TTN: variants seen among roughly 807,000 people sequenced by gnomAD.
TTN encodes titin.
In TTN, 1,525 loss-of-function variants were observed where a neutral mutation model predicts 3,223.0. The ratio of observed to expected loss-of-function variants is 0.47; its 90% CI spans 0.45 to 0.49. TTN has a LOEUF of 0.49. Among genes scored for constraint, TTN ranks in the 20% least tolerant of loss-of-function variants. The pLI is 0.00. For missense variants in TTN, 40,786 were observed against 43,424.0 expected, an observed-to-expected ratio of 0.94 and a Z score of 5.40; for synonymous variants, 14,094 against 15,161.0, an observed-to-expected ratio of 0.93 and a Z score of 5.17.
intron 47 of TTN, chr2:178,745,162 A>G (rs2083245247): frequency 1.0e-6 from 1 of 994,824 alleles, no homozygotes; most frequent in Non-Finnish European, 1.2e-6. Context: ...ATGGGAGCAG[A>G]GAGATTTGCC....
chr2:178,595,644 G>C lies in TTN; in HGVS notation c.57710C>G (p.Thr19237Arg). ...DRRAWTPVTY[T>R]VTRQNATVQG... ...GACAGTAGCATTTTGTCGGGTAACT[G>C]TATATGTCACTGGGGTCCATGCTCT... The change falls in exon 295 of 363, where the codon ACA becomes AGA. Residue 19237 changes from threonine (T) to arginine (R), a missense_variant. Physicochemically the swap from Thr to Arg is moderately conservative, Grantham distance 71. Coordinates refer to ENST00000589042, the MANE Select transcript of TTN (RefSeq NM_001267550.2). 1 of 1,606,934 alleles carries C rather than the reference G, an allele frequency of 6.2e-7. No homozygotes were observed. The highest frequency in any genetic ancestry group is 8.5e-7 in the Non-Finnish European group (1 of 1,176,568).
In TTN at chr2:178,717,164, C is replaced by T. The variant is rs371512914; in HGVS notation, c.25570G>A (p.Gly8524Arg). 107 of 1,613,428 alleles carry T rather than the reference C, an allele frequency of 6.6e-5. No homozygotes were observed. The highest frequency in any genetic ancestry group is 8.0e-5 in the African/African-American group (6 of 74,878). Reference protein sequence around the residue: ...TVLKVGKGDAGQYTCYASNIA... With the variant: ...TVLKVGKGDARQYTCYASNIA... The stretch of plus-strand genomic sequence containing the variant: ...TTGCTTGCATAGCAGGTGTACTGCC[C>T]GGCATCGCCTTTGCCTACTTTGAGA... The change falls in exon 88 of 363, where the codon GGG (glycine) becomes AGG (arginine). Residue 8524 changes from glycine to arginine, a missense_variant. Gly to Arg is a moderately radical substitution (Grantham distance 125). Transcript: ENST00000589042.
At chr2:178,768,364 T>C (rs1290202497) in intron 38 of TTN, among the ~76,000 whole-genome samples, 2 of 152,206 alleles carry the variant, frequency 1.3e-5, no homozygotes, top group Non-Finnish European at 2.9e-5. Flanking sequence ...GACTTTTCTA[T>C]TGTCTCCCCT....
Position 178,722,870 on chromosome 2 carries a change from T to C in TTN, c.22029A>G (p.Gln7343=), listed in dbSNP as rs1450790984. 6.2e-7 allele frequency: 1 copy of C among 1,613,092 alleles called. No homozygotes were observed. The highest frequency in any genetic ancestry group is 1.7e-5 in the Admixed American group (1 of 59,938). The change falls in exon 76 of 363, where the codon CAA becomes CAG. Residue 7343 remains glutamine, a synonymous_variant. Coordinates refer to ENST00000589042, the MANE Select transcript of TTN (RefSeq NM_001267550.2). ...TTTCTGGTGTCCCAGCAACTTGGCA[T>C]TGTAAAGAAACCGAATCTCCAACTG... is the stretch of plus-strand genomic sequence containing the variant. ...EAAVGDSVSL[Q]CQVAGTPEIT...
In TTN at chr2:178,650,839, A is replaced by C. The variant is rs1192771890; in HGVS notation, c.39626-5T>G. ...GTTTCTTTGGCACTTCTGGCACTTT[A>C]AAGATATTAATTCATTTTTCTTATG... On this transcript the variant is annotated splice_region_variant and splice_polypyrimidine_tract_variant and intron_variant, in intron 208 of 362. Transcript: ENST00000589042. The C allele has an allele frequency of 6.3e-7, 1 of 1,596,446 alleles. No individual in the cohort carries two copies. The highest frequency in any genetic ancestry group is 2.3e-5 in the East Asian group (1 of 44,142).
At chr2:178,657,416 A>AT in intron 189 of TTN, 82 bp downstream of exon 189, 1 of 548,266 alleles carries the variant, frequency 1.8e-6, no homozygotes, top group Non-Finnish European at 2.3e-6. Flanking sequence ...GTATAATAAA[A>AT]ATATATATAT....
rs1692192706 is a variant in TTN at position 178,537,573 on chromosome 2, A to G, written c.99634T>C (p.Ser33212Pro). Residue 33212 changes from serine to proline, a missense_variant, in exon 355 of 363, where the codon TCC becomes CCC. Transcript: ENST00000589042. ...LKEKYYGAVG[S>P]TLRLHVMYIG... ...TACATAACATGAAGCCGAAGTGTGG[A>G]ACCCACAGCTCCATAATATTTCTCT... 6.2e-7 allele frequency: 1 copy of G among 1,613,694 alleles called. No homozygotes were observed. Among genetic ancestry groups the G allele is most frequent in the Non-Finnish European group, 8.5e-7 (1 of 1,179,786 alleles).
At position 178,777,526 on chromosome 2, in the gene TTN, T is replaced by G; in HGVS notation, c.4539A>C (p.Gln1513His). ...HKVVIKEDGTQSLIIVPATPS... is the reference protein window; with the variant it reads ...HKVVIKEDGTHSLIIVPATPS... The stretch of plus-strand genomic sequence containing the variant: ...GTGTGGCAGGGACAATAATTAGTGA[T>G]TGAGTACCATCTTCTTTAATGACTA... The change falls in exon 26 of 363, where the codon CAA becomes CAC. Residue 1513 changes from glutamine to histidine, a missense_variant. By Grantham distance (24) the Gln-to-His change is conservative. Transcript: ENST00000589042. 6.2e-7 allele frequency: 1 copy of G among 1,613,966 alleles called. No homozygotes were observed. Among genetic ancestry groups the G allele is most frequent in the Non-Finnish European group, 8.5e-7 (1 of 1,179,940 alleles).
rs780416696 is a variant in TTN at position 178,681,332 on chromosome 2, T to C, written c.33247+44A>G. 2.2e-5 allele frequency: 34 copies of C among 1,556,004 alleles called. No individual in the cohort carries two copies. In the African/African-American group the frequency reaches 4.1e-4, roughly 19 times the overall value. On this transcript the variant is annotated intron_variant, in intron 137 of 362. Transcript: ENST00000589042. ...GCTAGGAAGACATGATTTTAGAACA[T>C]ACATAACAAAGTTGTTTTTGGTGAT...
intron 47 of TTN, chr2:178,743,068 G>A (rs941059526): frequency 6.6e-6 from 1 of 151,936 alleles, no homozygotes; most frequent in Non-Finnish European, 1.5e-5. Context: ...CATAATTCGC[G>A]TTACCTTTCC....
In TTN at chr2:178,557,304, C is replaced by T. The variant is rs765724248; in HGVS notation, c.87958G>A (p.Val29320Ile). Residue 29320 changes from valine to isoleucine, a missense_variant, in exon 329 of 363, where the codon GTT becomes ATT. Transcript: ENST00000589042. ...FRVYAENAAG[V>I]GKPSHPSEPV... Reference sequence around the variant, plus strand: ...TCAGAAGGATGGCTAGGTTTTCCAACTCCAGCAGCATTTTCTGCATACACC... The same window carrying T: ...TCAGAAGGATGGCTAGGTTTTCCAATTCCAGCAGCATTTTCTGCATACACC... The T allele has an allele frequency of 1.1e-5, 18 of 1,613,844 alleles. No homozygotes were observed. The highest frequency in any genetic ancestry group is 2.5e-6 in the Non-Finnish European group (3 of 1,179,884).
At position 178,722,344 on chromosome 2, in the gene TTN, A is replaced by C. The variant is rs762944124; in HGVS notation, c.22443T>G (p.Thr7481=). Residue 7481 remains threonine, a synonymous_variant, in exon 77 of 363, where the codon ACT becomes ACG. Coordinates refer to ENST00000589042, the MANE Select transcript of TTN (RefSeq NM_001267550.2). ...AGTACTGGCCAGAGTGACTCAAGTC[A>C]GTTTGCAAAATTTTTAAAGTTGCCA... ...DNVATLKILQ[T]DLSHSGQYSC... 26 of 1,613,266 alleles carry C rather than the reference A, an allele frequency of 1.6e-5. No homozygotes were observed. The East Asian group carries it at 5.6e-4, about 35-fold the overall frequency.
At chr2:178,638,775 T>TA (rs1339819158) in intron 223 of TTN, among the ~76,000 whole-genome samples, 3 of 152,000 alleles carry the variant, frequency 2.0e-5, no homozygotes, top group South Asian at 2.1e-4. Flanking sequence ...GTTTCTTTTT[T>TA]AAAAAAATAA....
At position 178,544,313 on chromosome 2, in the gene TTN, C is replaced by T. The variant is rs371168456; in HGVS notation, c.95916G>A (p.Val31972=). 6.2e-7 allele frequency: 1 copy of T among 1,613,758 alleles called. No homozygotes were observed. The highest frequency in any genetic ancestry group is 8.5e-7 in the Non-Finnish European group (1 of 1,179,730). The change falls in exon 345 of 363, where the codon GTG becomes GTA. Residue 31972 remains valine (V), a synonymous_variant. Transcript: ENST00000589042. Reference sequence around the variant, plus strand: ...ATTTCTGGCCCATTTTAAGGTCTGGCACAGTGAATTCAGTATTTCTTATTG... The same window carrying T: ...ATTTCTGGCCCATTTTAAGGTCTGGTACAGTGAATTCAGTATTTCTTATTG... ...NATIRNTEFT[V]PDLKMGQKYS... is the part of the protein sequence containing the mutation.
intron 47 of TTN, among the ~76,000 whole-genome samples, chr2:178,742,528 C>T (rs907550991): frequency 2.0e-5 from 3 of 151,940 alleles, no homozygotes; most frequent in African/African-American, 7.3e-5. Flanking sequence ...TGAACAAAGC[C>T]TTTGTAATAA....
Position 178,592,943 on chromosome 2 carries a change from C to G in TTN, c.59176G>C (p.Glu19726Gln). 1 of 1,613,528 alleles carries G rather than the reference C, an allele frequency of 6.2e-7. No homozygotes were observed. Among genetic ancestry groups the G allele is most frequent in the Non-Finnish European group, 8.5e-7 (1 of 1,179,598 alleles). Reference protein sequence around the residue: ...IVEYQKVGDEEWRRANHTPES... With the variant: ...IVEYQKVGDEQWRRANHTPES... ...GGGGTGTGATTGGCTCTTCTCCACT[C>G]TTCATCTCCAACTTTCTGGTACTCA... The change falls in exon 300 of 363, where the codon GAG becomes CAG. Residue 19726 changes from glutamate (E) to glutamine (Q), a missense_variant. Coordinates refer to ENST00000589042, the MANE Select transcript of TTN (RefSeq NM_001267550.2).
rs1219680583 is a variant in TTN at position 178,559,776 on chromosome 2, C to T, written c.86356G>A (p.Val28786Ile). 1.9e-6 allele frequency: 3 copies of T among 1,604,226 alleles called. No individual in the cohort carries two copies. Among genetic ancestry groups the T allele is most frequent in the Non-Finnish European group, 1.7e-6 (2 of 1,175,360 alleles). Residue 28786 changes from valine to isoleucine, a missense_variant, in exon 326 of 363, where the codon GTC (valine) becomes ATC (isoleucine). By Grantham distance (29) the Val-to-Ile change is conservative. Transcript: ENST00000589042. ...VPFRGRPVPN[V>I]LWSKPDTDLR... ...TCAGTGTCTGGCTTACTCCACAAGA[C>T]ATTGGGTACTGGTCTTCCTCGGAAA... is the stretch of plus-strand genomic sequence containing the variant.
At position 178,608,639 on chromosome 2, in the gene TTN, C is replaced by T. The variant is rs763928739; in HGVS notation, c.52372G>A (p.Val17458Ile). 3 of 1,611,600 alleles carry T rather than the reference C, an allele frequency of 1.9e-6. No individual in the cohort carries two copies. Among genetic ancestry groups the T allele is most frequent in the Non-Finnish European group, 2.5e-6 (3 of 1,178,836 alleles). The change falls in exon 274 of 363, where the codon GTT (valine) becomes ATT (isoleucine). Residue 17458 changes from valine (V) to isoleucine (I), a missense_variant. Physicochemically the swap from Val to Ile is conservative, Grantham distance 29. Transcript: ENST00000589042. Reference protein sequence around the residue: ...ENRFGPGPPCVSKPLVAKDPF... With the variant: ...ENRFGPGPPCISKPLVAKDPF... ...TCTTTAGCCACAAGTGGCTTTGAAA[C>T]ACATGGTGGACCTGGCCCAAATCTG... is the stretch of plus-strand genomic sequence containing the variant.
intron 82 of TTN, 21 bp from the exon 83 acceptor site, chr2:178,719,472 T>G: frequency 6.2e-7 from 1 of 1,600,150 alleles, no homozygotes; most frequent in Non-Finnish European, 8.5e-7. Flanking sequence ...AAGGGTAGTT[T>G]TGCGTTTAAA....
Sources: allele counts gnomAD v4.1 joint callset (sites outside exome capture counted in the v4.1 genomes callset), GRCh38; gene constraint gnomAD v4.1.1; transcripts MANE v1.5; gene names NCBI Gene and HGNC (gene_info 2026-07-23, HGNC 2026-07-21).